The following DNAJC4 variants were observed in gnomAD, a reference collection of about 807,000 sequenced individuals.
DNAJC4 encodes the protein dnaJ homolog subfamily C member 4.
Under a neutral mutation model 26.8 loss-of-function variants are expected in DNAJC4, and 26 were observed. The ratio of observed to expected loss-of-function variants is 0.97; its 90% CI spans 0.71 to 1.34. The LOEUF (loss-of-function observed/expected upper bound fraction) is 1.34. DNAJC4 is among the 40% of genes most tolerant of loss of function. DNAJC4 has a pLI of 0.00. For synonymous variants in DNAJC4, 134 were observed against 127.8 expected (o/e 1.05, Z -0.33); for missense variants, 342 against 321.1 (o/e 1.07, Z -0.50).
chr11:64,231,723 G>C (rs1328848690), intron 1 of DNAJC4, 148 bp from the exon 2 acceptor site: 1 of 656,378 alleles, frequency 1.5e-6, no homozygotes, highest in South Asian at 1.8e-5. Context: ...TCCAAAGGGG[G>C]TGCTGATCTG....
rs751724646 is a variant in DNAJC4 at position 64,231,983 on chromosome 11, T to C, written c.180+19T>C. ...CAAAGAGGTACCCGTACCCCTGAGG[T>C]GGGGAGGGGGAGCAGGAACTTTGAG... On this transcript the variant is annotated intron_variant, in intron 2 of 5. Transcript: ENST00000628077. 5 of 1,612,616 alleles carry C rather than the reference T, an allele frequency of 3.1e-6. No homozygotes were observed. Among genetic ancestry groups the C allele is most frequent in the Non-Finnish European group, 4.2e-6 (5 of 1,179,144 alleles).
chr11:64,232,543 G>T lies in DNAJC4; in HGVS notation c.294G>T (p.Gln98His). The T allele has an allele frequency of 2.5e-6, 4 of 1,613,138 alleles. No homozygotes were observed. Among genetic ancestry groups the T allele is most frequent in the Non-Finnish European group, 3.4e-6 (4 of 1,179,324 alleles). ...AGAGCCGCCGCAGCTATGATGACCA[G>T]CTCCGCTCAGGTAGTCCCCCAAAGT... ...REQSRRSYDD[Q>H]LRSGSPPKSP... Residue 98 changes from glutamine (Q) to histidine (H), a missense_variant, in exon 3 of 6, where the codon CAG (glutamine) becomes CAT (histidine). Physicochemically the swap from Gln to His is conservative, Grantham distance 24. Coordinates refer to ENST00000628077, the MANE Select transcript of DNAJC4 (RefSeq NM_005528.4).
intron 1 of DNAJC4, chr11:64,231,645 T>A (rs1364097908): frequency 3.7e-5 from 19 of 511,106 alleles, no homozygotes; most frequent in Non-Finnish European, 5.9e-5. Context: ...TGTCCAGGAA[T>A]CAGTTTTTTC....
At position 64,234,040 on chromosome 11, in the gene DNAJC4, C is replaced by T. The variant is rs746431912; in HGVS notation, c.615-33C>T. ...GTCCAGGAACCACACTTCGGGATCCCTATCCCAACCACCCAGGTGCCCTCT... is the reference window on the plus strand; with the variant it reads ...GTCCAGGAACCACACTTCGGGATCCTTATCCCAACCACCCAGGTGCCCTCT... On this transcript the variant is annotated intron_variant, in intron 5 of 5. Transcript: ENST00000628077. The surrounding 1 kb of genome is among the most constrained non-coding windows in gnomAD (Gnocchi z 5.3). The T allele has an allele frequency of 1.9e-6, 3 of 1,613,832 alleles. No individual in the cohort carries two copies. The highest frequency in any genetic ancestry group is 1.1e-5 in the South Asian group (1 of 91,086).
At chr11:64,233,660 T>C (rs751954788) in intron 4 of DNAJC4, 10 of 588,262 alleles carry the variant, frequency 1.7e-5, no homozygotes, top group Non-Finnish European at 3.0e-5. Context: ...AGCACCCCCA[T>C]GTCCACAGCT....
chr11:64,234,219 C>T lies in DNAJC4; in HGVS notation c.*35C>T, dbSNP rs1386325195. On this transcript the variant is annotated 3_prime_UTR_variant, in exon 6 of 6. Transcript: ENST00000628077. The surrounding 1 kb of genome is among the most constrained non-coding windows in gnomAD (Gnocchi z 5.3). ...CTGGATGGGGCCTGCAGTGCGTTCC[C>T]GCTTTGCTTCCTTCCCTGGACGGCC... 6.5e-7 allele frequency: 1 copy of T among 1,532,384 alleles called. No homozygotes were observed. Among genetic ancestry groups the T allele is most frequent in the South Asian group, 1.2e-5 (1 of 84,230 alleles). The allele number at this position is 1,532,384 out of a possible 1,614,324, so 94.9% of individuals were successfully genotyped here. A position where few individuals can be genotyped will look rare whatever the true frequency, so the allele number is the denominator to read the frequency against.
At position 64,232,805 on chromosome 11, in the gene DNAJC4, T is replaced by C. The variant is rs1472580153; in HGVS notation, c.467T>C (p.Val156Ala). 3 of 1,613,138 alleles carry C rather than the reference T, an allele frequency of 1.9e-6. No individual in the cohort carries two copies. In the East Asian group the frequency reaches 6.7e-5, roughly 36 times the overall value. Residue 156 changes from valine (V) to alanine (A), a missense_variant, in exon 4 of 6, where the codon GTG (valine) becomes GCG (alanine). Transcript: ENST00000628077. ...RQQQHKQNKQ[V>A]LGYCLLLMLA... is the part of the protein sequence containing the mutation. The stretch of plus-strand genomic sequence containing the variant: ...CAGCAACACAAACAAAACAAACAAG[T>C]GCTGGGGTACTGCCTCCTCCTCATG...
Position 64,230,863 on chromosome 11 carries a change from C to T in DNAJC4, c.9C>T (p.Pro3=). 1 of 1,600,438 alleles carries T rather than the reference C, an allele frequency of 6.2e-7. No individual in the cohort carries two copies. The highest frequency in any genetic ancestry group is 8.5e-7 in the Non-Finnish European group (1 of 1,175,712). The change falls in exon 1 of 6, where the codon CCC becomes CCT. Residue 3 remains proline (P), a synonymous_variant. Coordinates refer to ENST00000628077, the MANE Select transcript of DNAJC4 (RefSeq NM_005528.4). MP[P]LLPLRLCRLW... is the part of the protein sequence containing the mutation. ...GCTGCCCGCCCGCCGCCATGCCGCCCTTACTGCCCCTGCGCCTGTGCCGGC... is the reference window on the plus strand; with the variant it reads ...GCTGCCCGCCCGCCGCCATGCCGCCTTTACTGCCCCTGCGCCTGTGCCGGC...
rs1295623972 is a variant in DNAJC4, at chr11:64,234,186, G to A, written c.*2G>A. 1 of 1,553,176 alleles carries A rather than the reference G, an allele frequency of 6.4e-7. No individual in the cohort carries two copies. Among genetic ancestry groups the A allele is most frequent in the Admixed American group, 1.9e-5 (1 of 51,888 alleles). ...GTGCCCCGGGGCGCCGGCCCCTGAG[G>A]GGCTCACCTGGATGGGGCCTGCAGT... On this transcript the variant is annotated 3_prime_UTR_variant, in exon 6 of 6. Transcript: ENST00000628077. This position sits in a 1 kb window ranked among gnomAD's most constrained non-coding sequence, Gnocchi z 5.3.
Position 64,234,113 on chromosome 11 carries a change from G to C in DNAJC4, c.655G>C (p.Gly219Arg). Residue 219 changes from glycine to arginine, a missense_variant, in exon 6 of 6, where the codon GGG (glycine) becomes CGG (arginine). Gly to Arg is a moderately radical substitution (Grantham distance 125, BLOSUM62 -2). Transcript: ENST00000628077. This position sits in a 1 kb window ranked among gnomAD's most constrained non-coding sequence, Gnocchi z 5.3. Reference sequence around the variant, plus strand: ...CCTTCAGCAGGAGCGACAACGGCTAGGGCAGCGGCAGCCGCCACCATCCGA... The same window carrying C: ...CCTTCAGCAGGAGCGACAACGGCTACGGCAGCGGCAGCCGCCACCATCCGA... ...GILQQERQRL[G>R]QRQPPPSEPT... The C allele has an allele frequency of 6.2e-7, 1 of 1,604,842 alleles. No homozygotes were observed. The highest frequency in any genetic ancestry group is 1.3e-5 in the African/African-American group (1 of 74,998).
chr11:64,233,839 G>C, intron 4 of DNAJC4, 55 bp from the exon 5 acceptor site: 3 of 1,593,706 alleles, frequency 1.9e-6, no homozygotes, highest in Non-Finnish European at 2.6e-6. Context: ...GAAGGGGGCA[G>C]GACTTCAGGG....
In DNAJC4 at chr11:64,232,801, C is replaced by G. The variant is rs1481043889; in HGVS notation, c.463C>G (p.Gln155Glu). The change falls in exon 4 of 6, where the codon CAA (glutamine) becomes GAA (glutamate). Residue 155 changes from glutamine (Q) to glutamate (E), a missense_variant. Transcript: ENST00000628077. The stretch of plus-strand genomic sequence containing the variant: ...GCAGCAGCAACACAAACAAAACAAA[C>G]AAGTGCTGGGGTACTGCCTCCTCCT... ...LRQQQHKQNK[Q>E]VLGYCLLLML... is the part of the protein sequence containing the mutation. 6.2e-7 allele frequency: 1 copy of G among 1,613,358 alleles called. No homozygotes were observed. The highest frequency in any genetic ancestry group is 2.2e-5 in the East Asian group (1 of 44,868).
At chr11:64,231,147 G>A (rs1489166500) in intron 1 of DNAJC4, 5 of 715,510 alleles carry the variant, frequency 7.0e-6, no homozygotes, top group African/African-American at 3.5e-5. Flanking sequence ...TTTGAGTCCA[G>A]GTCAAACCCA....
chr11:64,231,022 T>G (rs1211469830), intron 1 of DNAJC4, 82 bp downstream of exon 1: 2 of 1,504,384 alleles, frequency 1.3e-6, no homozygotes, highest in African/African-American at 2.8e-5. Flanking sequence ...TGGTCTCTAC[T>G]CCGTGTCAGG....
chr11:64,233,184 C>T (rs1947199637), intron 4 of DNAJC4: 3 of 277,368 alleles, frequency 1.1e-5, no homozygotes, highest in Admixed American at 5.3e-5. Context: ...GTAGGCATCT[C>T]CCTGCCACTC....
chr11:64,231,096 C>T (rs1240370986), intron 1 of DNAJC4, 156 bp downstream of exon 1: 1 of 990,242 alleles, frequency 1.0e-6, no homozygotes. Flanking sequence ...ATAGAGAAGA[C>T]CCCCAAGGTC....
intron 4 of DNAJC4, 91 bp downstream of exon 4, chr11:64,232,956 G>GC: frequency 7.1e-7 from 1 of 1,410,712 alleles, no homozygotes; most frequent in African/African-American, 1.4e-5. Context: ...GCACCTCGTG[G>GC]CCCGTACTCT....
chr11:64,230,594 G>T lies in DNAJC4; in HGVS notation c.-261G>T. ...GTTCCCTGGGTGGGAACGGGGTCTT[G>T]GGGTCCCTGGCTGGGTGGCCAGACC... On this transcript the variant is annotated 5_prime_UTR_variant, in exon 1 of 6. Transcript: ENST00000628077. 3 of 609,822 alleles carry T rather than the reference G, an allele frequency of 4.9e-6. No homozygotes were observed. The highest frequency in any genetic ancestry group is 2.9e-6 in the Non-Finnish European group (1 of 339,422). 37.8% of individuals were successfully genotyped at this position (609,822 alleles called of 1,614,324 possible).
chr11:64,232,930 C>A, intron 4 of DNAJC4, 65 bp downstream of exon 4: 2 of 1,491,260 alleles, frequency 1.3e-6, no homozygotes, highest in South Asian at 2.8e-5. Flanking sequence ...CCAGTGTGGT[C>A]AGCCAGTCCT....
Sources: allele counts gnomAD v4.1 joint callset, GRCh38; gene constraint gnomAD v4.1.1; non-coding constraint Gnocchi (gnomAD v3.1); transcripts MANE v1.5; gene names NCBI Gene and HGNC (gene_info 2026-07-23, HGNC 2026-07-21).